MSRA: variants seen among roughly 807,000 people sequenced by gnomAD.
The protein encoded by MSRA is methionine sulfoxide reductase A, also known as mitochondrial peptide methionine sulfoxide reductase.
MSRA carries 54 observed loss-of-function variants against 31.3 expected under a neutral mutation model. That is an observed-to-expected ratio of 1.73 (90% CI 1.39 to 2.17). MSRA has a LOEUF of 2.17. Ranked by LOEUF, MSRA falls within the 30% of genes most tolerant of loss-of-function variation. The pLI, the probability that MSRA is intolerant of heterozygous loss-of-function variation, is 0.00. For synonymous variants in MSRA, 169 were observed against 116.5 expected (o/e 1.45, Z -2.90); for missense variants, 507 against 300.9 (o/e 1.69, Z -5.07).
At chr8:10,092,843 AT>A (rs1798925986) in intron 1 of MSRA, among the ~76,000 whole-genome samples, 1 of 151,888 alleles carries the variant, frequency 6.6e-6, no homozygotes, top group African/African-American at 2.4e-5. Flanking sequence ...ATTATTTTAG[AT>A]TTTGCTTTGT....
intron 1 of MSRA, among the ~76,000 whole-genome samples, chr8:10,160,481 C>T (rs1350604713): frequency 6.0e-5 from 9 of 149,798 alleles, no homozygotes; most frequent in South Asian, 2.1e-4. Context: ...GGCAACAGAG[C>T]GAGACTCCAT....
chr8:10,223,753 C>A (rs1307786159), intron 2 of MSRA, among the ~76,000 whole-genome samples: 1 of 151,956 alleles, frequency 6.6e-6, no homozygotes, highest in Non-Finnish European at 1.5e-5. Context: ...AGATGAATGC[C>A]AAATCTAGAT....
intron 5 of MSRA, among the ~76,000 whole-genome samples, chr8:10,354,637 A>G (rs895573755): frequency 8.6e-5 from 13 of 151,850 alleles, no homozygotes; most frequent in African/African-American, 4.8e-5. Context: ...AATGATTACA[A>G]ATGCATCGGT....
At chr8:10,242,566 T>G (rs549050459) in intron 2 of MSRA, among the ~76,000 whole-genome samples, 8 of 152,200 alleles carry the variant, frequency 5.3e-5, no homozygotes, top group African/African-American at 1.9e-4. Context: ...TGTGGTTTTT[T>G]TGCATCAGTT....
chr8:10,088,913 A>G (rs1435599375), intron 1 of MSRA, among the ~76,000 whole-genome samples: 2 of 152,244 alleles, frequency 1.3e-5, no homozygotes, highest in South Asian at 2.1e-4. Flanking sequence ...TCTCACTTAT[A>G]TGAAATATTT....
intron 1 of MSRA, among the ~76,000 whole-genome samples, chr8:10,115,925 C>T (rs529006117): frequency 1.3e-5 from 2 of 152,082 alleles, no homozygotes; most frequent in African/African-American, 4.8e-5. Flanking sequence ...TGAATAAAAC[C>T]AGGTTGTGGT....
At chr8:10,103,674 C>T (rs1247949092) in intron 1 of MSRA, among the ~76,000 whole-genome samples, 1 of 152,028 alleles carries the variant, frequency 6.6e-6, no homozygotes, top group Non-Finnish European at 1.5e-5. Context: ...GTATGCTTTT[C>T]AGCTGTTTAT....
At chr8:10,323,261 GTATT>G (rs1479947622) in intron 5 of MSRA, among the ~76,000 whole-genome samples, 1 of 151,674 alleles carries the variant, frequency 6.6e-6, no homozygotes, top group Non-Finnish European at 1.5e-5. Context: ...TCATCCCACT[GTATT>G]TAATTATAAA....
chr8:10,384,191 C>T (rs1806245971), intron 5 of MSRA, among the ~76,000 whole-genome samples: 3 of 152,200 alleles, frequency 2.0e-5, no homozygotes, highest in Non-Finnish European at 2.9e-5. Flanking sequence ...GCCATGATTC[C>T]TCCTGCGCCC....
intron 2 of MSRA, among the ~76,000 whole-genome samples, chr8:10,232,480 G>A (rs1811576304): frequency 6.6e-6 from 1 of 152,198 alleles, no homozygotes. Flanking sequence ...CTGGAAAACT[G>A]CCTTTCATGA....
At chr8:10,287,515 G>A (rs967732929) in intron 3 of MSRA, among the ~76,000 whole-genome samples, 3 of 152,230 alleles carry the variant, frequency 2.0e-5, no homozygotes, top group East Asian at 1.9e-4. Flanking sequence ...TGCAGAGTTC[G>A]GAATAACACA....
chr8:10,286,914 AC>A (rs1258113321), intron 3 of MSRA, among the ~76,000 whole-genome samples: 1 of 152,230 alleles, frequency 6.6e-6, no homozygotes, highest in African/African-American at 2.4e-5. Context: ...TTTATAGCGT[AC>A]CTTTTTGGCG....
At chr8:10,234,115 A>T (rs1406946935) in intron 2 of MSRA, among the ~76,000 whole-genome samples, 1 of 152,186 alleles carries the variant, frequency 6.6e-6, no homozygotes, top group African/African-American at 2.4e-5. Flanking sequence ...GACTTAAGAG[A>T]TTTTATAACT....
At chr8:10,325,297 T>C (rs1202238103) in intron 5 of MSRA, among the ~76,000 whole-genome samples, 4 of 152,144 alleles carry the variant, frequency 2.6e-5, no homozygotes, top group African/African-American at 7.2e-5. Flanking sequence ...ATATAATATG[T>C]ACTTTTATAT....
At chr8:10,278,221 A>G (rs1799427671) in intron 3 of MSRA, among the ~76,000 whole-genome samples, 1 of 152,162 alleles carries the variant, frequency 6.6e-6, no homozygotes, top group Non-Finnish European at 1.5e-5. Flanking sequence ...GTCTGAGTAG[A>G]AGGAATTCTG....
intron 1 of MSRA, among the ~76,000 whole-genome samples, chr8:10,114,801 T>A (rs986451501): frequency 3.3e-5 from 5 of 152,196 alleles, no homozygotes; most frequent in African/African-American, 1.2e-4. Context: ...TGTAAAGATG[T>A]CAATTCTCTT....
chr8:10,422,588 A>C (rs1306967857), intron 5 of MSRA, among the ~76,000 whole-genome samples: 3 of 152,178 alleles, frequency 2.0e-5, no homozygotes, highest in African/African-American at 7.2e-5. Context: ...TCAGCAAGAC[A>C]CACACACAAA....
At chr8:10,151,225 G>A (rs535540617) in intron 1 of MSRA, among the ~76,000 whole-genome samples, 6 of 143,234 alleles carry the variant, frequency 4.2e-5, no homozygotes, top group Non-Finnish European at 6.0e-5. Flanking sequence ...CTGCACCACT[G>A]CATTCCAGCC....
chr8:10,239,573 T>C (rs1364645552), intron 2 of MSRA, among the ~76,000 whole-genome samples: 3 of 152,238 alleles, frequency 2.0e-5, no homozygotes, highest in African/African-American at 4.8e-5. Context: ...ATAGGACGAT[T>C]GTACCTGGCA....
Sources: gnomAD v4.1 joint callset for allele counts (sites outside exome capture counted in the v4.1 genomes callset) on GRCh38, gnomAD v4.1.1 for gene constraint, MANE v1.5 for transcripts, NCBI Gene and HGNC (gene_info 2026-07-23, HGNC 2026-07-21) for gene names.